TBC1D8: variants seen among roughly 807,000 people sequenced by gnomAD.
TBC1D8 encodes the protein BUB2-like protein 1.
Under a neutral mutation model 118.8 loss-of-function variants are expected in TBC1D8, and 65 were observed. The ratio of observed to expected loss-of-function variants is 0.55; its 90% confidence interval spans 0.45 to 0.67. The LOEUF is 0.67. Ranked by LOEUF, TBC1D8 falls within the 30% of genes least tolerant of loss-of-function variation. TBC1D8 has a pLI of 0.00. For missense variants in TBC1D8, 1,376 were observed against 1,471.2 expected, an observed-to-expected ratio of 0.94 and a Z score of 1.06; for synonymous variants, 566 against 595.8, an observed-to-expected ratio of 0.95 and a Z score of 0.73.
intron 1 of TBC1D8, among the ~76,000 whole-genome samples, chr2:101,150,597 C>T (rs1461113649): frequency 6.6e-6 from 1 of 152,224 alleles, no homozygotes; most frequent in African/African-American, 2.4e-5. Context: ...TGGGATTCGC[C>T]CACCCTCAGT....
rs764939070 is a variant in TBC1D8 at position 101,011,446 on chromosome 2, C to G, written c.2917+5G>C. 6 of 1,613,638 alleles carry G rather than the reference C, an allele frequency of 3.7e-6. No homozygotes were observed. The highest frequency in any genetic ancestry group is 1.3e-5 in the African/African-American group (1 of 74,892). ...GGGAAAGCAACAATGAAAAGAGGTA[C>G]GTGCCATTGGGTTTCCCGAAAACCA... On this transcript the variant is annotated splice_donor_5th_base_variant and intron_variant, in intron 18 of 19. Coordinates refer to ENST00000409318, the MANE Select transcript of TBC1D8 (RefSeq NM_001330348.2).
intron 17 of TBC1D8, among the ~76,000 whole-genome samples, chr2:101,015,047 C>T (rs1329024059): frequency 6.6e-6 from 1 of 152,064 alleles, no homozygotes; most frequent in Non-Finnish European, 1.5e-5. Context: ...ATTGTGCAAA[C>T]ATCATACAGT....
At position 101,080,972 on chromosome 2, in the gene TBC1D8, C is replaced by T. The variant is rs115842241; in HGVS notation, c.283+9237G>A. On this transcript the variant is annotated intron_variant, in intron 2 of 19. Transcript: ENST00000409318. ...AAATTTTGTTGTAGAGATGGGGTCT[C>T]ACTGTGTTGCCCAGGCTGGTCTTGA... 8.0e-3 allele frequency among the ~76,000 whole-genome samples: 1,220 copies of T among 152,020 alleles called. 18 individuals carry two copies. Among genetic ancestry groups the T allele is most frequent in the African/African-American group, 0.028 (1,159 of 41,450 alleles).
At chr2:101,035,986 A>G (rs778065141) in intron 9 of TBC1D8, 32 bp downstream of exon 9, 2 of 1,611,308 alleles carry the variant, frequency 1.2e-6, no homozygotes, top group South Asian at 2.2e-5. Flanking sequence ...GACAAAAAGA[A>G]CAATTAGCTT....
chr2:101,074,438 T>C (rs1674672629), intron 2 of TBC1D8, among the ~76,000 whole-genome samples: 1 of 152,222 alleles, frequency 6.6e-6, no homozygotes, highest in Non-Finnish European at 1.5e-5. Flanking sequence ...AGTGAACACA[T>C]TCCAACGCTG....
intron 1 of TBC1D8, among the ~76,000 whole-genome samples, chr2:101,091,009 G>A (rs1267263889): frequency 6.6e-6 from 1 of 152,230 alleles, no homozygotes; most frequent in Non-Finnish European, 1.5e-5. Context: ...CCGGCCAGGA[G>A]TGGTGGCTCA....
chr2:101,090,275 C>G lies in TBC1D8; in HGVS notation c.217G>C (p.Val73Leu), dbSNP rs745663666. Residue 73 changes from valine (V) to leucine (L), a missense_variant, in exon 2 of 20, where the codon GTT (valine) becomes CTT (leucine). Val to Leu is a conservative substitution (Grantham distance 32). Coordinates refer to ENST00000409318, the MANE Select transcript of TBC1D8 (RefSeq NM_001330348.2). ...RILLQVPGSQ[V>L]YSPIACGELL... ...TCACCACATGCTATGGGAGAATAAACCTGGGAGCCGGGAACTTGAAGCAGA... is the reference window on the plus strand; with the variant it reads ...TCACCACATGCTATGGGAGAATAAAGCTGGGAGCCGGGAACTTGAAGCAGA... 5.0e-6 allele frequency: 8 copies of G among 1,613,970 alleles called. No homozygotes were observed. The highest frequency in any genetic ancestry group is 5.9e-6 in the Non-Finnish European group (7 of 1,179,872).
At chr2:101,040,497 T>TCTCG in intron 5 of TBC1D8, 112 bp from the exon 6 acceptor site, 1 of 1,097,038 alleles carries the variant, frequency 9.1e-7, no homozygotes, top group Non-Finnish European at 1.3e-6. Flanking sequence ...TGAGACAGAG[T>TCTCG]CTCGCTCTGT....
At chr2:101,078,750 T>C (rs1345653484) in intron 2 of TBC1D8, among the ~76,000 whole-genome samples, 3 of 67,196 alleles carry the variant, frequency 4.5e-5, no homozygotes, top group East Asian at 4.1e-4. Flanking sequence ...AAACCTTTCT[T>C]AGCAAAAAAA....
chr2:101,095,867 A>C (rs1350546245), intron 1 of TBC1D8, among the ~76,000 whole-genome samples: 1 of 152,048 alleles, frequency 6.6e-6, no homozygotes. Context: ...TAGGGATGTA[A>C]GGGTAGGAGG....
chr2:101,099,664 T>C (rs547303040), intron 1 of TBC1D8, among the ~76,000 whole-genome samples: 2 of 152,312 alleles, frequency 1.3e-5, no homozygotes, highest in African/African-American at 4.8e-5. Context: ...ATATCCACCA[T>C]GATCAAGTCA....
At chr2:101,082,169 G>T (rs956720356) in intron 2 of TBC1D8, among the ~76,000 whole-genome samples, 2 of 152,096 alleles carry the variant, frequency 1.3e-5, no homozygotes, top group Non-Finnish European at 2.9e-5. Context: ...ATATATGTGT[G>T]AATAATGCAG....
At chr2:101,150,137 T>C (rs1005516739) in intron 1 of TBC1D8, among the ~76,000 whole-genome samples, 4 of 152,080 alleles carry the variant, frequency 2.6e-5, no homozygotes, top group African/African-American at 9.7e-5. Flanking sequence ...TTTCCAGGCG[T>C]GTTAGTACAT....
chr2:101,138,312 CATT>C (rs1405407193), intron 1 of TBC1D8, among the ~76,000 whole-genome samples: 1 of 152,064 alleles, frequency 6.6e-6, no homozygotes, highest in African/African-American at 2.4e-5. Flanking sequence ...AAGAAAAAAA[CATT>C]ATCCTTTACT....
chr2:101,130,163 G>A (rs1034849275), intron 1 of TBC1D8, among the ~76,000 whole-genome samples: 6 of 152,178 alleles, frequency 3.9e-5, no homozygotes, highest in Non-Finnish European at 7.3e-5. Flanking sequence ...ACAGCTGCTG[G>A]GGTTATTTTT....
intron 2 of TBC1D8, among the ~76,000 whole-genome samples, chr2:101,067,780 G>A (rs1006574001): frequency 1.3e-5 from 2 of 152,272 alleles, no homozygotes; most frequent in East Asian, 1.9e-4. Flanking sequence ...TTTCTGGCAC[G>A]ATTGACTCTC....
At chr2:101,073,296 A>ATTTTTTTTTT (rs373693169) in intron 2 of TBC1D8, among the ~76,000 whole-genome samples, 5 of 76,010 alleles carry the variant, frequency 6.6e-5, no homozygotes, top group African/African-American at 2.0e-4. Context: ...ATTTTATTTT[A>ATTTTTTTTTT]TTTATTTTTT....
chr2:101,030,406 G>A (rs546645548), intron 11 of TBC1D8, among the ~76,000 whole-genome samples: 5 of 152,216 alleles, frequency 3.3e-5, no homozygotes, highest in Non-Finnish European at 5.9e-5. Context: ...TGGTCAGGAA[G>A]CAAAGAGACA....
rs375976446 is a variant in TBC1D8 at position 101,011,400 on chromosome 2, C to T, written c.2917+51G>A. 2.5e-4 allele frequency: 388 copies of T among 1,574,042 alleles called. 1 individual carries two copies. Among genetic ancestry groups the T allele is most frequent in the Middle Eastern group, 6.7e-4 (4 of 5,954 alleles). On this transcript the variant is annotated intron_variant, in intron 18 of 19. Transcript: ENST00000409318. ...GGATGAGGGCAACCCCGGTGCCTCCCGCCACTGCAGTGGTATGCAGGGGAA... is the reference window on the plus strand; with the variant it reads ...GGATGAGGGCAACCCCGGTGCCTCCTGCCACTGCAGTGGTATGCAGGGGAA...
Sources: allele counts gnomAD v4.1 joint callset (sites outside exome capture counted in the v4.1 genomes callset), GRCh38; gene constraint gnomAD v4.1.1; transcripts MANE v1.5; gene names NCBI Gene and HGNC (gene_info 2026-07-23, HGNC 2026-07-21).